Variants in WDR70 observed in about 807,000 individuals in gnomAD.
WDR70 encodes the protein WD repeat-containing protein 70.
In WDR70, 53 loss-of-function variants were observed where a neutral mutation model predicts 88.6. The ratio of observed to expected loss-of-function variants is 0.60; its 90% CI spans 0.48 to 0.75. The LOEUF (loss-of-function observed/expected upper bound fraction) is 0.75. Among genes scored for constraint, WDR70 ranks in the 30% least tolerant of loss-of-function variants. WDR70 has a pLI of 0.00. For synonymous variants in WDR70, 280 were observed against 270.0 expected (o/e 1.04, Z -0.36); for missense variants, 610 against 823.2 (o/e 0.74, Z 3.17).
At chr5:37,547,591 G>A (rs1742033933) in intron 9 of WDR70, among the ~76,000 whole-genome samples, 1 of 152,122 alleles carries the variant, frequency 6.6e-6, no homozygotes, top group Non-Finnish European at 1.5e-5. Context: ...TCACATCATG[G>A]AACATGGAAT....
At chr5:37,464,768 C>G (rs1336631161) in intron 7 of WDR70, among the ~76,000 whole-genome samples, 1 of 152,208 alleles carries the variant, frequency 6.6e-6, no homozygotes, top group Admixed American at 6.5e-5. Context: ...CTGTGCACTT[C>G]AGGAGCCTGA....
intron 8 of WDR70, among the ~76,000 whole-genome samples, chr5:37,498,501 C>A (rs1335818678): frequency 6.6e-6 from 1 of 152,188 alleles, no homozygotes; most frequent in East Asian, 1.9e-4. Flanking sequence ...TAATTACATA[C>A]AAATTTACAG....
At chr5:37,684,345 C>T (rs1391978995) in intron 10 of WDR70, among the ~76,000 whole-genome samples, 4 of 152,152 alleles carry the variant, frequency 2.6e-5, no homozygotes, top group Non-Finnish European at 4.4e-5. Context: ...AAAGATAGTT[C>T]AGTCGTTTGG....
chr5:37,607,542 C>G (rs988655912), intron 10 of WDR70, among the ~76,000 whole-genome samples: 1 of 152,192 alleles, frequency 6.6e-6, no homozygotes, highest in South Asian at 2.1e-4. Context: ...TTCTCAAGAC[C>G]TACGTTTACT....
Position 37,638,488 on chromosome 5 carries a change from C to T in WDR70, c.1092+33250C>T, listed in dbSNP as rs150077635. ...AAATGCATACATGCACGCACATGCG[C>T]GCACATACACATAAAGAGCAGTACT... On this transcript the variant is annotated intron_variant, in intron 10 of 17. Coordinates refer to ENST00000265107, the MANE Select transcript of WDR70 (RefSeq NM_018034.4). Among the ~76,000 whole-genome samples the T allele has an allele frequency of 9.9e-5, 15 of 152,252 alleles. No homozygotes were observed. The East Asian group carries it at 2.9e-3, about 29-fold the overall frequency.
At chr5:37,414,470 AG>A (rs1749631010) in intron 5 of WDR70, among the ~76,000 whole-genome samples, 1 of 152,158 alleles carries the variant, frequency 6.6e-6, no homozygotes, top group South Asian at 2.1e-4. Flanking sequence ...CATCTTATAT[AG>A]GTCCCCCCTG....
At chr5:37,715,989 G>A (rs1221396822) in intron 13 of WDR70, among the ~76,000 whole-genome samples, 1 of 152,076 alleles carries the variant, frequency 6.6e-6, no homozygotes, top group Non-Finnish European at 1.5e-5. Flanking sequence ...CTCTAAGACT[G>A]CCTCTATACA....
chr5:37,650,639 C>T (rs771598826), intron 10 of WDR70, among the ~76,000 whole-genome samples: 2 of 152,124 alleles, frequency 1.3e-5, no homozygotes, highest in Non-Finnish European at 2.9e-5. Context: ...GTATCATTAA[C>T]ATAAAAGGCT....
At chr5:37,719,290 A>T (rs1026660058) in intron 13 of WDR70, among the ~76,000 whole-genome samples, 2 of 152,012 alleles carry the variant, frequency 1.3e-5, no homozygotes, top group African/African-American at 4.8e-5. Context: ...AGAAAATGTG[A>T]CTTTTATATG....
chr5:37,734,443 T>A (rs1748240937), intron 17 of WDR70, among the ~76,000 whole-genome samples: 1 of 152,142 alleles, frequency 6.6e-6, no homozygotes, highest in Admixed American at 6.6e-5. Context: ...AACTATGTGT[T>A]AGATACTGTT....
intron 8 of WDR70, among the ~76,000 whole-genome samples, chr5:37,490,133 G>C (rs1178030724): frequency 6.6e-6 from 1 of 152,102 alleles, no homozygotes; most frequent in Admixed American, 6.5e-5. Flanking sequence ...TGGTGCAGGG[G>C]AATCCATAGG....
intron 17 of WDR70, among the ~76,000 whole-genome samples, chr5:37,752,026 A>G (rs990579159): frequency 1.3e-5 from 2 of 152,212 alleles, no homozygotes; most frequent in Non-Finnish European, 2.9e-5. Context: ...ATATTTTCCC[A>G]TTTATGTGTA....
intron 5 of WDR70, among the ~76,000 whole-genome samples, chr5:37,433,527 A>G (rs1750377554): frequency 6.6e-6 from 1 of 152,208 alleles, no homozygotes; most frequent in Admixed American, 6.5e-5. Context: ...CCCCAAATGC[A>G]AGGATGCTGA....
intron 9 of WDR70, among the ~76,000 whole-genome samples, chr5:37,583,903 C>T (rs76447646): frequency 0.04 from 6,110 of 152,090 alleles, 441 homozygotes; most frequent in African/African-American, 0.14. Flanking sequence ...AGTATTCTTC[C>T]TCAAGTGAAA....
chr5:37,665,355 G>C (rs1745805363), intron 10 of WDR70, among the ~76,000 whole-genome samples: 1 of 152,160 alleles, frequency 6.6e-6, no homozygotes, highest in Non-Finnish European at 1.5e-5. Flanking sequence ...CTTTGTACCT[G>C]CAGCTGATAA....
chr5:37,465,799 ACTTT>A (rs1739135039), intron 7 of WDR70, among the ~76,000 whole-genome samples: 1 of 16,190 alleles, frequency 6.2e-5, no homozygotes, highest in South Asian at 3.6e-3. Flanking sequence ...AAATTTCTAA[ACTTT>A]TTTTTTTTTT....
At chr5:37,691,756 C>T (rs1340917573) in intron 10 of WDR70, among the ~76,000 whole-genome samples, 4 of 152,044 alleles carry the variant, frequency 2.6e-5, no homozygotes, top group Non-Finnish European at 5.9e-5. Context: ...CAAGAGAAAG[C>T]AGGAAAGATC....
chr5:37,707,948 AATATATATATATATATATATAT>A (rs70978841), intron 13 of WDR70, among the ~76,000 whole-genome samples: 555 of 33,668 alleles, frequency 0.016, 9 homozygotes, highest in African/African-American at 0.054. Context: ...AAAAAAAAAA[AATATATATATATATATATATAT>A]ATATATATAT....
chr5:37,497,201 C>A (rs931654778), intron 8 of WDR70, among the ~76,000 whole-genome samples: 3 of 145,600 alleles, frequency 2.1e-5, no homozygotes, highest in Admixed American at 6.8e-5. Flanking sequence ...CTCCCTGCCT[C>A]CGTCCTCCCT....
Sources: gnomAD v4.1 joint callset for allele counts (sites outside exome capture counted in the v4.1 genomes callset) on GRCh38, gnomAD v4.1.1 for gene constraint, MANE v1.5 for transcripts, NCBI Gene and HGNC (gene_info 2026-07-23, HGNC 2026-07-21) for gene names.